The following KIRREL3 variants were observed in gnomAD, a reference collection of about 807,000 sequenced individuals.
KIRREL3 encodes kirre like nephrin family adhesion molecule 3.
A neutral mutation model predicts 89.7 loss-of-function variants in KIRREL3; 36 were observed. The ratio of observed to expected loss-of-function variants is 0.40; its 90% CI spans 0.31 to 0.53. KIRREL3 has a LOEUF of 0.53. Among genes scored for constraint, KIRREL3 ranks in the 20% least tolerant of loss-of-function variants. The probability of loss-of-function intolerance (pLI) is 0.49; values close to 1 mark genes in which losing one functional copy is unlikely to be tolerated. For synonymous variants in KIRREL3, 445 were observed against 441.4 expected, an observed-to-expected ratio of 1.01 and a Z score of -0.10; for missense variants, 864 against 1,056.6, an observed-to-expected ratio of 0.82 and a Z score of 2.53.
Position 126,969,599 on chromosome 11 carries a change from A to C in KIRREL3, c.55+30856T>G, listed in dbSNP as rs1056300540. ...ACAGGAGAACACAAGAAATATCCCC[A>C]CGGCACAGCCTACCCAAGTGAATAA... On this transcript the variant is annotated intron_variant, in intron 1 of 16. Transcript: ENST00000525144. The surrounding 1 kb of genome is among the most constrained non-coding windows in gnomAD (Gnocchi z 4.9). Among the ~76,000 whole-genome samples the C allele has an allele frequency of 6.6e-6, 1 of 152,162 alleles. No homozygotes were observed. Among genetic ancestry groups the C allele is most frequent in the Non-Finnish European group, 1.5e-5 (1 of 68,024 alleles).
In KIRREL3 at chr11:126,953,934, G is replaced by T. The variant is rs1300593682; in HGVS notation, c.55+46521C>A. ...CTTTTCTTTTCCCCTTTCTTTCTTT[G>T]CTGAGGCTAGATTTCACAGGGCAAT... On this transcript the variant is annotated intron_variant, in intron 1 of 16. Coordinates refer to ENST00000525144, the MANE Select transcript of KIRREL3 (RefSeq NM_032531.4). This position sits in a 1 kb window ranked among gnomAD's most constrained non-coding sequence, Gnocchi z 5.2. Among the ~76,000 whole-genome samples the T allele has an allele frequency of 6.6e-6, 1 of 151,868 alleles. No individual in the cohort carries two copies. The highest frequency in any genetic ancestry group is 2.4e-5 in the African/African-American group (1 of 41,358).
At chr11:126,758,061 C>T (rs1254248296) in intron 1 of KIRREL3, among the ~76,000 whole-genome samples, 4 of 152,222 alleles carry the variant, frequency 2.6e-5, no homozygotes, top group African/African-American at 9.6e-5. Flanking sequence ...AGAAAGACTT[C>T]CAGTGTCGCC....
chr11:126,630,246 C>T (rs1943962698), intron 1 of KIRREL3, among the ~76,000 whole-genome samples: 1 of 152,178 alleles, frequency 6.6e-6, no homozygotes, highest in Admixed American at 6.5e-5. Context: ...AGCCCCCTCT[C>T]TGTGTGGGAT....
At chr11:126,920,895 T>C (rs2134972073) in intron 1 of KIRREL3, among the ~76,000 whole-genome samples, 1 of 152,318 alleles carries the variant, frequency 6.6e-6, no homozygotes, top group African/African-American at 2.4e-5. Flanking sequence ...ACACTCAGAT[T>C]GGCCCCCGTG....
intron 1 of KIRREL3, among the ~76,000 whole-genome samples, chr11:126,938,165 C>T (rs533327368): frequency 1.3e-5 from 2 of 152,318 alleles, no homozygotes; most frequent in African/African-American, 2.4e-5. Context: ...AATTATTAGT[C>T]ACACTTCACA....
At chr11:126,543,744 A>C (rs1433286393) in intron 2 of KIRREL3, among the ~76,000 whole-genome samples, 1 of 152,160 alleles carries the variant, frequency 6.6e-6, no homozygotes, top group Non-Finnish European at 1.5e-5. Flanking sequence ...TGTCACCAAT[A>C]CTTCAGGGCA....
At chr11:126,512,154 T>C (rs954790833) in intron 4 of KIRREL3, among the ~76,000 whole-genome samples, 1 of 152,192 alleles carries the variant, frequency 6.6e-6, no homozygotes, top group Admixed American at 6.5e-5. Flanking sequence ...ATTACCCCCC[T>C]CTTTCCTGGG....
intron 1 of KIRREL3, among the ~76,000 whole-genome samples, chr11:126,835,021 C>A (rs1943732120): frequency 6.6e-6 from 1 of 152,242 alleles, no homozygotes; most frequent in Non-Finnish European, 1.5e-5. Context: ...CACTTCCCTA[C>A]TTTCCAGAAC....
intron 1 of KIRREL3, among the ~76,000 whole-genome samples, chr11:126,695,174 C>G (rs1947039596): frequency 6.6e-6 from 1 of 152,122 alleles, no homozygotes; most frequent in Non-Finnish European, 1.5e-5. Flanking sequence ...TGGCCCTTTA[C>G]AGAAAAAGTT....
chr11:126,741,340 T>G (rs577406053), intron 1 of KIRREL3, among the ~76,000 whole-genome samples: 18 of 152,350 alleles, frequency 1.2e-4, no homozygotes, highest in African/African-American at 4.3e-4. Context: ...TCAATTCCCT[T>G]ACTTAATACT....
chr11:126,664,847 G>T lies in KIRREL3; in HGVS notation c.56-101935C>A, dbSNP rs974388601. On this transcript the variant is annotated intron_variant, in intron 1 of 16. Coordinates refer to ENST00000525144, the MANE Select transcript of KIRREL3 (RefSeq NM_032531.4). This position sits in a 1 kb window ranked among gnomAD's most constrained non-coding sequence, Gnocchi z 5.4. Reference sequence around the variant, plus strand: ...GAACCTCTTGTGCCCTTAGACAGGGGGGCATTCCCTGCCTCAACCACAGGT... The same window carrying T: ...GAACCTCTTGTGCCCTTAGACAGGGTGGCATTCCCTGCCTCAACCACAGGT... 6.6e-6 allele frequency among the ~76,000 whole-genome samples: 1 copy of T among 152,234 alleles called. No homozygotes were observed. Among genetic ancestry groups the T allele is most frequent in the South Asian group, 2.1e-4 (1 of 4,820 alleles).
chr11:126,836,736 G>A (rs1207629665), intron 1 of KIRREL3, among the ~76,000 whole-genome samples: 1 of 152,152 alleles, frequency 6.6e-6, no homozygotes, highest in African/African-American at 2.4e-5. Context: ...CAAGGTGGAC[G>A]TTATCCAGGG....
intron 12 of KIRREL3, among the ~76,000 whole-genome samples, chr11:126,435,912 G>A (rs764065043): frequency 3.3e-5 from 5 of 152,098 alleles, no homozygotes; most frequent in Admixed American, 1.3e-4. Flanking sequence ...AGCTGAGCAC[G>A]AATCCCTGGT....
At chr11:126,440,166 G>A in intron 11 of KIRREL3, 2 of 652,240 alleles carry the variant, frequency 3.1e-6, no homozygotes, top group Non-Finnish European at 5.7e-6. Flanking sequence ...CACTACCCTC[G>A]TGTGCCCCTC....
At chr11:126,691,090 A>G (rs1349464992) in intron 1 of KIRREL3, among the ~76,000 whole-genome samples, 1 of 152,240 alleles carries the variant, frequency 6.6e-6, no homozygotes, top group Non-Finnish European at 1.5e-5. Context: ...TCAAGGGCAC[A>G]AGAGATACCA....
chr11:126,651,556 A>G lies in KIRREL3; in HGVS notation c.56-88644T>C, dbSNP rs553802771. Among the ~76,000 whole-genome samples, 4 of 152,348 alleles carry G rather than the reference A, an allele frequency of 2.6e-5. No homozygotes were observed. The East Asian group carries it at 7.7e-4, about 29-fold the overall frequency. On this transcript the variant is annotated intron_variant, in intron 1 of 16. Coordinates refer to ENST00000525144, the MANE Select transcript of KIRREL3 (RefSeq NM_032531.4). This position sits in a 1 kb window ranked among gnomAD's most constrained non-coding sequence, Gnocchi z 4.6. ...ATCTCTTATTTTGGTAGCACTTTCAAATAAGTGGCAGCAGTTCATGCATAA... is the reference window on the plus strand; with the variant it reads ...ATCTCTTATTTTGGTAGCACTTTCAGATAAGTGGCAGCAGTTCATGCATAA...
chr11:126,923,742 C>T (rs1028357051), intron 1 of KIRREL3, among the ~76,000 whole-genome samples: 1 of 152,160 alleles, frequency 6.6e-6, no homozygotes, highest in Non-Finnish European at 1.5e-5. Flanking sequence ...CCGCACCTGG[C>T]CTGCCTACTT....
At position 126,612,016 on chromosome 11, in the gene KIRREL3, G is replaced by A. The variant is rs1469840974; in HGVS notation, c.56-49104C>T. Among the ~76,000 whole-genome samples the A allele has an allele frequency of 6.6e-6, 1 of 152,188 alleles. No individual in the cohort carries two copies. The highest frequency in any genetic ancestry group is 6.5e-5 in the Admixed American group (1 of 15,282). ...GCCTCCCAGCCCAGTCAGCCCCTGT[G>A]CACTCTCATGTTACCTGTGCATCTC... On this transcript the variant is annotated intron_variant, in intron 1 of 16. Transcript: ENST00000525144. The surrounding 1 kb of genome is among the most constrained non-coding windows in gnomAD (Gnocchi z 4.5).
In KIRREL3 at chr11:126,795,285, ATAC is replaced by A. The variant is rs1950770867; in HGVS notation, c.55+205167_55+205169del. ...TATTGGCTTACCAATGGTAACAGAT[ATAC>A]TACACTAATGCAAGATGCTAATAAT... On this transcript the variant is annotated intron_variant, in intron 1 of 16. Coordinates refer to ENST00000525144, the MANE Select transcript of KIRREL3 (RefSeq NM_032531.4). This position sits in a 1 kb window ranked among gnomAD's most constrained non-coding sequence, Gnocchi z 4.1. Among the ~76,000 whole-genome samples the A allele has an allele frequency of 6.6e-6, 1 of 152,264 alleles. No individual in the cohort carries two copies. Among genetic ancestry groups the A allele is most frequent in the Admixed American group, 6.5e-5 (1 of 15,290 alleles).
Sources: gnomAD v4.1 joint callset for allele counts (sites outside exome capture counted in the v4.1 genomes callset) on GRCh38, gnomAD v4.1.1 for gene constraint, Gnocchi (gnomAD v3.1) non-coding constraint, MANE v1.5 for transcripts, NCBI Gene and HGNC (gene_info 2026-07-23, HGNC 2026-07-21) for gene names.